Variants in DLEC1 observed in about 807,000 individuals in gnomAD.
DLEC1 encodes deleted in lung and esophageal cancer protein 1.
In DLEC1, 146 loss-of-function variants were observed where a neutral mutation model predicts 198.1. The observed-to-expected ratio is 0.74, with a 90% CI of 0.64 to 0.85. The LOEUF is 0.85. Among genes scored for constraint, DLEC1 ranks in the 40% least tolerant of loss-of-function variants. The probability of loss-of-function intolerance (pLI) is 0.00; values close to 1 mark genes in which losing one functional copy is unlikely to be tolerated. For synonymous variants in DLEC1, 897 were observed against 866.8 expected, an observed-to-expected ratio of 1.03 and a Z score of -0.61; for missense variants, 2,233 against 2,220.0, an observed-to-expected ratio of 1.01 and a Z score of -0.12.
chr3:38,097,711 G>C lies in DLEC1; in HGVS notation c.2566-33G>C, dbSNP rs1233518318. ...GGCTGGGACACTGAGCCATCCCCAG[G>C]TGGCCCAGTGACAGGCCCTCTGGGT... On this transcript the variant is annotated intron_variant, in intron 17 of 36. Transcript: ENST00000308059. 3 of 1,613,552 alleles carry C rather than the reference G, an allele frequency of 1.9e-6. No homozygotes were observed. The Admixed American group carries it at 5.0e-5, about 27-fold the overall frequency.
In DLEC1 at chr3:38,112,069, A is replaced by G. The variant is rs1305844073; in HGVS notation, c.3515-141A>G. 2 of 1,339,832 alleles carry G rather than the reference A, an allele frequency of 1.5e-6. No homozygotes were observed. Among genetic ancestry groups the G allele is most frequent in the Non-Finnish European group, 2.1e-6 (2 of 965,086 alleles). The allele number at this position is 1,339,832 out of a possible 1,614,324, so 83.0% of individuals were successfully genotyped here. On this transcript the variant is annotated intron_variant, in intron 24 of 36. Coordinates refer to ENST00000308059, the MANE Select transcript of DLEC1 (RefSeq NM_007335.4). The surrounding 1 kb of genome is among the most constrained non-coding windows in gnomAD (Gnocchi z 4.8). ...GCTTGCCTCTGGATTCCAGGCTCCCAGGAGGAGGGCACATGTAGCCTGACC... is the reference window on the plus strand; with the variant it reads ...GCTTGCCTCTGGATTCCAGGCTCCCGGGAGGAGGGCACATGTAGCCTGACC...
chr3:38,101,743 T>A (rs1699317192), intron 19 of DLEC1, among the ~76,000 whole-genome samples: 1 of 152,176 alleles, frequency 6.6e-6, no homozygotes, highest in South Asian at 2.1e-4. Flanking sequence ...TGACAGTTGT[T>A]CAAATGTCCC....
intron 19 of DLEC1, among the ~76,000 whole-genome samples, chr3:38,105,066 T>C (rs1164795559): frequency 6.6e-6 from 1 of 152,170 alleles, no homozygotes; most frequent in Non-Finnish European, 1.5e-5. Flanking sequence ...GACTTGTTTA[T>C]GAATGTGTTA....
intron 10 of DLEC1, among the ~76,000 whole-genome samples, chr3:38,090,702 A>G (rs1182321706): frequency 6.6e-6 from 1 of 152,266 alleles, no homozygotes; most frequent in Non-Finnish European, 1.5e-5. Context: ...AATCCTTACC[A>G]TGCGGATTGT....
At chr3:38,093,311 C>T (rs1341288107) in intron 11 of DLEC1, among the ~76,000 whole-genome samples, 2 of 151,934 alleles carry the variant, frequency 1.3e-5, no homozygotes, top group African/African-American at 4.8e-5. Flanking sequence ...CTCCCTCCCT[C>T]CTTCCTTCCC....
chr3:38,084,268 C>T (rs761869874), intron 7 of DLEC1, 23 bp downstream of exon 7: 59 of 1,592,890 alleles, frequency 3.7e-5, no homozygotes, highest in South Asian at 3.0e-4. Flanking sequence ...TTTGTAAGTT[C>T]ATTAGTAGTA....
intron 6 of DLEC1, among the ~76,000 whole-genome samples, chr3:38,079,876 T>C (rs1289439029): frequency 1.3e-5 from 2 of 152,208 alleles, no homozygotes; most frequent in Admixed American, 6.5e-5. Context: ...TTTCTATTAT[T>C]GTACACCTTG....
Position 38,062,781 on chromosome 3 carries a change from G to A in DLEC1, c.1074G>A (p.Gln358=), listed in dbSNP as rs1202781056. 1.2e-6 allele frequency: 2 copies of A among 1,613,904 alleles called. No homozygotes were observed. The highest frequency in any genetic ancestry group is 1.7e-6 in the Non-Finnish European group (2 of 1,179,920). The change falls in exon 5 of 37, where the codon CAG becomes CAA. Residue 358 remains glutamine (Q), a synonymous_variant. Transcript: ENST00000308059. The stretch of plus-strand genomic sequence containing the variant: ...AGCCAGCACCGATAGGAGAATTCCA[G>A]AGTACAGAGCCAGAACAGAGGTATG... ...PKKPAPIGEF[Q]STEPEQSCAD...
Position 38,122,850 on chromosome 3 carries a change from G to GTGGC in DLEC1, c.*440_*443dup. 1.3e-6 allele frequency: 1 copy of GTGGC among 789,832 alleles called. No individual in the cohort carries two copies. Among genetic ancestry groups the GTGGC allele is most frequent in the South Asian group, 1.9e-5 (1 of 54,046 alleles). The allele number at this position is 789,832 out of a possible 1,614,324, so 48.9% of individuals were successfully genotyped here. ...TGCACAGCTAAAGAGGGTCTGATGGGTGGCTCAACACCCCACCCACTCCTA... is the reference window on the plus strand; with the variant it reads ...TGCACAGCTAAAGAGGGTCTGATGGGTGGCTGGCTCAACACCCCACCCACTCCTA... On this transcript the variant is annotated 3_prime_UTR_variant, in exon 37 of 37. Transcript: ENST00000308059.
rs773769116 is a variant in DLEC1 at position 38,045,566 on chromosome 3, G to A, written c.435G>A (p.Arg145=). 1 of 1,613,796 alleles carries A rather than the reference G, an allele frequency of 6.2e-7. No homozygotes were observed. The highest frequency in any genetic ancestry group is 1.1e-5 in the South Asian group (1 of 91,028). ...AGATTCGGGAGCTCTATAAGCAGCG[G>A]CTGGATGAGTTTGAAATGTTGGAGA... is the stretch of plus-strand genomic sequence containing the variant. ...LQQIRELYKQ[R]LDEFEMLERH... Residue 145 remains arginine (R), a synonymous_variant, in exon 2 of 37, where the codon CGG becomes CGA. Coordinates refer to ENST00000308059, the MANE Select transcript of DLEC1 (RefSeq NM_007335.4).
chr3:38,062,206 C>A lies in DLEC1; in HGVS notation c.711C>A (p.Ser237Arg), dbSNP rs777961309. 1.9e-6 allele frequency: 3 copies of A among 1,614,082 alleles called. No homozygotes were observed. The highest frequency in any genetic ancestry group is 1.3e-5 in the African/African-American group (1 of 74,914). Residue 237 changes from serine to arginine, a missense_variant, in exon 4 of 37, where the codon AGC becomes AGA. By Grantham distance (110) the Ser-to-Arg change is moderately radical. Coordinates refer to ENST00000308059, the MANE Select transcript of DLEC1 (RefSeq NM_007335.4). ...CTGGATGTTCAAAACTGACATTTAG[C>A]TGTGAGAAGCGTTCCGTCCAGAAGA... The part of the protein sequence containing the change: ...SLPGCSKLTF[S>R]CEKRSVQKKE...
At chr3:38,101,146 A>G (rs1322302119) in intron 19 of DLEC1, among the ~76,000 whole-genome samples, 5 of 152,090 alleles carry the variant, frequency 3.3e-5, no homozygotes, top group African/African-American at 4.8e-5. Context: ...CTCCTTCCCA[A>G]ATTATTTTCA....
At position 38,115,044 on chromosome 3, in the gene DLEC1, A is replaced by G. The variant is rs758301591; in HGVS notation, c.3847A>G (p.Ser1283Gly). 1.9e-6 allele frequency: 3 copies of G among 1,613,880 alleles called. No individual in the cohort carries two copies. Among genetic ancestry groups the G allele is most frequent in the East Asian group, 2.2e-5 (1 of 44,866 alleles). Reference protein sequence around the residue: ...VTRTLRLNNSSPCDIRLDWET... With the variant: ...VTRTLRLNNSGPCDIRLDWET... ...CCGAACCCTTCGCCTGAATAACTCC[A>G]GCCCCTGTGGTAAGACATGCATGAG... Residue 1283 changes from serine (S) to glycine (G), a missense_variant, in exon 27 of 37, where the codon AGC (serine) becomes GGC (glycine). Physicochemically the swap from Ser to Gly is moderately conservative, Grantham distance 56. Coordinates refer to ENST00000308059, the MANE Select transcript of DLEC1 (RefSeq NM_007335.4).
At position 38,100,472 on chromosome 3, in the gene DLEC1, G is replaced by C. The variant is rs764814836; in HGVS notation, c.2864+47G>C. ...CCACTACAACAAACTATGCATATTC[G>C]TGATGTATTTATCTATATTATATAT... On this transcript the variant is annotated intron_variant, in intron 19 of 36. Coordinates refer to ENST00000308059, the MANE Select transcript of DLEC1 (RefSeq NM_007335.4). 6.4e-6 allele frequency: 10 copies of C among 1,553,364 alleles called. No individual in the cohort carries two copies. The East Asian group carries it at 2.3e-4, about 36-fold the overall frequency.
chr3:38,048,217 C>G (rs944101057), intron 2 of DLEC1, among the ~76,000 whole-genome samples: 2 of 152,202 alleles, frequency 1.3e-5, no homozygotes, highest in Non-Finnish European at 2.9e-5. Context: ...ATTTCTGGCC[C>G]CAGATCTGGA....
At chr3:38,071,280 G>A (rs1021435533) in intron 6 of DLEC1, among the ~76,000 whole-genome samples, 1 of 152,230 alleles carries the variant, frequency 6.6e-6, no homozygotes, top group African/African-American at 2.4e-5. Context: ...CTAAGAATTG[G>A]GAGGACCTAG....
chr3:38,045,455 G>T lies in DLEC1; in HGVS notation c.412-88G>T, dbSNP rs367791302. The T allele has an allele frequency of 3.1e-5, 46 of 1,486,592 alleles. No individual in the cohort carries two copies. The East Asian group carries it at 4.7e-4, about 15-fold the overall frequency. The allele number at this position is 1,486,592 out of a possible 1,614,324, so 92.1% of individuals were successfully genotyped here. On this transcript the variant is annotated intron_variant, in intron 1 of 36. Coordinates refer to ENST00000308059, the MANE Select transcript of DLEC1 (RefSeq NM_007335.4). ...CTGACTATTCTATGCTTCACTGGAA[G>T]CCCTGATCCTGGGGTAGGGCTGAGT...
chr3:38,121,534 G>T, intron 34 of DLEC1, 94 bp from the exon 35 acceptor site: 1 of 1,474,476 alleles, frequency 6.8e-7, no homozygotes, highest in Non-Finnish European at 9.0e-7. Context: ...TTCTTCAGGA[G>T]CATCAGCACT....
chr3:38,097,826 T>A lies in DLEC1; in HGVS notation c.2648T>A (p.Ile883Asn). The change falls in exon 18 of 37, where the codon ATC becomes AAC. Residue 883 changes from isoleucine (I) to asparagine (N), a missense_variant. Physicochemically the swap from Ile to Asn is moderately radical, Grantham distance 149. Coordinates refer to ENST00000308059, the MANE Select transcript of DLEC1 (RefSeq NM_007335.4). ...CAGAAAGCCACAAACTCCATCCAGA[T>A]CCGGAACGTCAGCCAGCTCCCAGCC... is the stretch of plus-strand genomic sequence containing the variant. ...LGQKATNSIQ[I>N]RNVSQLPATW... 2 of 1,614,098 alleles carry A rather than the reference T, an allele frequency of 1.2e-6. No individual in the cohort carries two copies. The highest frequency in any genetic ancestry group is 1.7e-6 in the Non-Finnish European group (2 of 1,180,020).
Sources: gnomAD v4.1 joint callset for allele counts (sites outside exome capture counted in the v4.1 genomes callset) on GRCh38, gnomAD v4.1.1 for gene constraint, Gnocchi (gnomAD v3.1) non-coding constraint, MANE v1.5 for transcripts, NCBI Gene and HGNC (gene_info 2026-07-23, HGNC 2026-07-21) for gene names.